The following FANCC variants were observed in gnomAD, a reference collection of about 807,000 sequenced individuals.
FANCC encodes the protein FA complementation group C.
A neutral mutation model predicts 71.3 loss-of-function variants in FANCC; 55 were observed. The ratio of observed to expected loss-of-function variants is 0.77; its 90% CI spans 0.62 to 0.97. FANCC has a LOEUF of 0.97. Among genes scored for constraint, FANCC ranks in the 50% least tolerant of loss-of-function variants. The probability of loss-of-function intolerance (pLI) is 0.00; values close to 1 mark genes in which losing one functional copy is unlikely to be tolerated. For missense variants in FANCC, 678 were observed against 670.9 expected, an observed-to-expected ratio of 1.01 and a Z score of -0.12; for synonymous variants, 275 against 244.9, an observed-to-expected ratio of 1.12 and a Z score of -1.15.
At chr9:95,139,763 G>A (rs2135256944) in intron 7 of FANCC, among the ~76,000 whole-genome samples, 1 of 150,168 alleles carries the variant, frequency 6.7e-6, no homozygotes, top group East Asian at 2.0e-4. Flanking sequence ...TGAGGAGGAG[G>A]AGGTAATGAA....
At chr9:95,178,441 C>A (rs1826144969) in intron 4 of FANCC, among the ~76,000 whole-genome samples, 1 of 152,260 alleles carries the variant, frequency 6.6e-6, no homozygotes, top group African/African-American at 2.4e-5. Context: ...CTGGTTGGAG[C>A]CCTCACTCCT....
chr9:95,159,021 AT>A (rs957965543), intron 6 of FANCC, among the ~76,000 whole-genome samples: 11 of 151,932 alleles, frequency 7.2e-5, no homozygotes, highest in Admixed American at 1.3e-4. Flanking sequence ...TGATGGAAGA[AT>A]TTTTTTTGAC....
At chr9:95,210,936 C>A (rs576929210) in intron 4 of FANCC, among the ~76,000 whole-genome samples, 7 of 152,230 alleles carry the variant, frequency 4.6e-5, no homozygotes, top group African/African-American at 1.7e-4. Flanking sequence ...TTACCAAGGT[C>A]AAGTAGCATA....
In FANCC at chr9:95,126,541, T is replaced by A; in HGVS notation, c.884A>T (p.Asp295Val). ...ACHPAIFRVV[D>V]EMFRCALLET... The stretch of plus-strand genomic sequence containing the variant: ...GTGTAACGTTTACCTGAACATCTCA[T>A]CAACAACCCGGAATATGGCAGGGTG... Residue 295 changes from aspartate (D) to valine (V), a missense_variant, in exon 9 of 15, where the codon GAT becomes GTT. Asp to Val is a radical substitution (Grantham distance 152). Coordinates refer to ENST00000289081, the MANE Select transcript of FANCC (RefSeq NM_000136.3). 2 of 1,613,990 alleles carry A rather than the reference T, an allele frequency of 1.2e-6. No homozygotes were observed. Among genetic ancestry groups the A allele is most frequent in the Non-Finnish European group, 1.7e-6 (2 of 1,179,946 alleles).
chr9:95,298,818 G>A (rs550574853), intron 1 of FANCC, among the ~76,000 whole-genome samples: 1 of 152,236 alleles, frequency 6.6e-6, no homozygotes, highest in East Asian at 1.9e-4. Context: ...GATTTGAAGC[G>A]GATACCATCT....
At chr9:95,110,390 T>C in intron 13 of FANCC, 1 of 1,024,070 alleles carries the variant, frequency 9.8e-7, no homozygotes, top group Non-Finnish European at 1.2e-6. Context: ...GCCCCGTACA[T>C]CTTATTACTG....
chr9:95,148,605 G>A (rs1234747229), intron 7 of FANCC, among the ~76,000 whole-genome samples: 2 of 152,186 alleles, frequency 1.3e-5, no homozygotes, highest in Non-Finnish European at 2.9e-5. Context: ...CATGGTGGCA[G>A]TAATGACTAT....
intron 7 of FANCC, among the ~76,000 whole-genome samples, chr9:95,144,408 T>C (rs1829227052): frequency 6.6e-6 from 1 of 152,194 alleles, no homozygotes; most frequent in Admixed American, 6.5e-5. Flanking sequence ...GAACATGCTA[T>C]CACAAGCAAA....
chr9:95,228,623 C>A (rs1829784569), intron 4 of FANCC, among the ~76,000 whole-genome samples: 1 of 152,208 alleles, frequency 6.6e-6, no homozygotes, highest in South Asian at 2.1e-4. Flanking sequence ...CAGAAAAAAA[C>A]CCAGCATGTC....
At chr9:95,227,996 C>G (rs1235951634) in intron 4 of FANCC, among the ~76,000 whole-genome samples, 1 of 152,138 alleles carries the variant, frequency 6.6e-6, no homozygotes, top group East Asian at 1.9e-4. Context: ...CTCTGCACTC[C>G]TCCAACAAAG....
At chr9:95,311,081 A>C (rs1835369454) in intron 1 of FANCC, among the ~76,000 whole-genome samples, 1 of 152,034 alleles carries the variant, frequency 6.6e-6, no homozygotes, top group East Asian at 1.9e-4. Context: ...CGCCTCTAAC[A>C]AAAATACAAA....
chr9:95,108,710 A>T (rs1396919966), intron 13 of FANCC, among the ~76,000 whole-genome samples: 1 of 152,236 alleles, frequency 6.6e-6, no homozygotes, highest in Non-Finnish European at 1.5e-5. Context: ...GAAAAAGAAG[A>T]ACCATTAAAA....
At chr9:95,284,376 G>T (rs918007462) in intron 1 of FANCC, among the ~76,000 whole-genome samples, 2 of 152,180 alleles carry the variant, frequency 1.3e-5, no homozygotes, top group African/African-American at 4.8e-5. Context: ...AGTTTGGTCG[G>T]CTGTCAAGTC....
At chr9:95,263,584 A>C (rs1832202009) in intron 1 of FANCC, among the ~76,000 whole-genome samples, 1 of 151,652 alleles carries the variant, frequency 6.6e-6, no homozygotes, top group Non-Finnish European at 1.5e-5. Context: ...ACTAAAACTG[A>C]GAACAATTAA....
At chr9:95,260,697 A>AC (rs1348651452) in intron 1 of FANCC, among the ~76,000 whole-genome samples, 1 of 151,924 alleles carries the variant, frequency 6.6e-6, no homozygotes, top group Non-Finnish European at 1.5e-5. Flanking sequence ...AAAAAAAAAA[A>AC]AAAAACTTCC....
At chr9:95,218,908 C>T (rs1829048343) in intron 4 of FANCC, among the ~76,000 whole-genome samples, 1 of 152,190 alleles carries the variant, frequency 6.6e-6, no homozygotes, top group Non-Finnish European at 1.5e-5. Flanking sequence ...CAAGCAAACA[C>T]CCAATCAAGA....
At chr9:95,305,441 G>A (rs1484953498) in intron 1 of FANCC, among the ~76,000 whole-genome samples, 1 of 152,180 alleles carries the variant, frequency 6.6e-6, no homozygotes, top group Admixed American at 6.5e-5. Flanking sequence ...GTCCTACCTT[G>A]TCTAGATGAA....
chr9:95,199,938 AT>A (rs1827705018), intron 4 of FANCC, among the ~76,000 whole-genome samples: 1 of 152,142 alleles, frequency 6.6e-6, no homozygotes, highest in East Asian at 1.9e-4. Flanking sequence ...CACTTATCTT[AT>A]TTTTAGGATG....
chr9:95,210,055 C>CA (rs1564755026), intron 4 of FANCC, among the ~76,000 whole-genome samples: 1 of 151,914 alleles, frequency 6.6e-6, no homozygotes, highest in Non-Finnish European at 1.5e-5. Context: ...GAACAAATCT[C>CA]AAAAAAATAC....
Sources: gnomAD v4.1 joint callset for allele counts (sites outside exome capture counted in the v4.1 genomes callset) on GRCh38, gnomAD v4.1.1 for gene constraint, MANE v1.5 for transcripts, NCBI Gene and HGNC (gene_info 2026-07-23, HGNC 2026-07-21) for gene names.